The following TCF7L2 variants were observed in gnomAD, a reference collection of about 807,000 sequenced individuals.
TCF7L2 encodes the protein transcription factor 7 like 2.
In TCF7L2, 23 loss-of-function variants were observed where a neutral mutation model predicts 77.9. That is an observed-to-expected ratio of 0.30 (90% CI 0.21 to 0.42). The LOEUF (loss-of-function observed/expected upper bound fraction) is 0.42. Among genes scored for constraint, TCF7L2 ranks in the 10% least tolerant of loss-of-function variants. The pLI, the probability that TCF7L2 is intolerant of heterozygous loss-of-function variation, is 1.00. For synonymous variants in TCF7L2, 413 were observed against 340.2 expected (o/e 1.21, Z -2.36); for missense variants, 654 against 793.1 (o/e 0.82, Z 2.11).
intron 4 of TCF7L2, among the ~76,000 whole-genome samples, chr10:112,991,094 C>A (rs545678407): frequency 6.6e-6 from 1 of 152,172 alleles, no homozygotes. Flanking sequence ...GGGCCAGACT[C>A]GGACTGCCTG....
intron 5 of TCF7L2, among the ~76,000 whole-genome samples, chr10:113,070,807 A>G (rs532788404): frequency 1.4e-4 from 22 of 152,308 alleles, no homozygotes; most frequent in African/African-American, 4.6e-4. Context: ...ATACCTTACA[A>G]TTCATCCATT....
intron 5 of TCF7L2, among the ~76,000 whole-genome samples, chr10:113,060,713 C>T (rs142064894): frequency 4.6e-5 from 7 of 151,968 alleles, no homozygotes; most frequent in Admixed American, 2.6e-4. Context: ...TTTCTAGATG[C>T]GGAAGTGTAA....
chr10:113,159,959 T>C, intron 12 of TCF7L2: 1 of 1,611,526 alleles, frequency 6.2e-7, no homozygotes, highest in Non-Finnish European at 8.5e-7. Context: ...CGCTTTGGCC[T>C]TGATCAACAG....
chr10:113,079,761 G>A (rs1385673929), intron 5 of TCF7L2, among the ~76,000 whole-genome samples: 1 of 152,000 alleles, frequency 6.6e-6, no homozygotes, highest in East Asian at 1.9e-4. Context: ...GGGTACAAGC[G>A]ATTTTCGTGC....
chr10:113,126,777 C>G, intron 5 of TCF7L2: 3 of 985,254 alleles, frequency 3.0e-6, no homozygotes, highest in Non-Finnish European at 3.6e-6. Context: ...GTGCTGCCCT[C>G]CAGTGGAGCC....
At chr10:113,040,237 T>C (rs751987272) in intron 5 of TCF7L2, 111 bp downstream of exon 5, 5 of 902,280 alleles carry the variant, frequency 5.5e-6, no homozygotes, top group Non-Finnish European at 8.4e-6. Context: ...TTTAAACACA[T>C]TTTCTTTGGA....
chr10:113,152,309 A>ATCCT, intron 10 of TCF7L2, 24 bp from the exon 11 acceptor site: 1 of 1,584,872 alleles, frequency 6.3e-7, no homozygotes. Context: ...TGTCTTTCTC[A>ATCCT]TCTGTACCCC....
chr10:113,035,394 A>G (rs1279541914), intron 4 of TCF7L2, among the ~76,000 whole-genome samples: 1 of 152,204 alleles, frequency 6.6e-6, no homozygotes, highest in Non-Finnish European at 1.5e-5. Flanking sequence ...CATAGACCAA[A>G]ATTGGCTTGC....
chr10:113,157,915 TG>T, intron 11 of TCF7L2, 105 bp from the exon 12 acceptor site: 1 of 1,161,052 alleles, frequency 8.6e-7, no homozygotes, highest in South Asian at 1.4e-5. Flanking sequence ...TGGATGGAGA[TG>T]GCAGTATGGT....
chr10:113,130,612 G>A (rs2066428378), intron 5 of TCF7L2, among the ~76,000 whole-genome samples: 1 of 152,076 alleles, frequency 6.6e-6, no homozygotes, highest in Admixed American at 6.6e-5. Context: ...AATATAAAAT[G>A]TGTTTTGGAA....
chr10:113,100,957 C>A (rs1313050081), intron 5 of TCF7L2, among the ~76,000 whole-genome samples: 2 of 152,126 alleles, frequency 1.3e-5, no homozygotes, highest in Non-Finnish European at 2.9e-5. Context: ...TGCCTGTAAT[C>A]CCAGCTACTC....
chr10:113,049,476 G>A (rs1272267878), intron 5 of TCF7L2, among the ~76,000 whole-genome samples: 2 of 151,876 alleles, frequency 1.3e-5, no homozygotes. Context: ...CCTTCAAAGC[G>A]TGTGTGGCAT....
intron 3 of TCF7L2, among the ~76,000 whole-genome samples, chr10:112,960,603 C>A (rs2034817085): frequency 6.6e-6 from 1 of 151,904 alleles, no homozygotes; most frequent in Non-Finnish European, 1.5e-5. Flanking sequence ...GCCATGTTTG[C>A]CGGATGAGGA....
chr10:112,996,681 C>A (rs907230237), intron 4 of TCF7L2, among the ~76,000 whole-genome samples: 1 of 152,166 alleles, frequency 6.6e-6, no homozygotes, highest in Non-Finnish European at 1.5e-5. Flanking sequence ...GCTGGTGAAG[C>A]CTGAAGGCCA....
Position 112,972,873 on chromosome 10 carries a change from C to G in TCF7L2, c.450+8249C>G, listed in dbSNP as rs539100755. Among the ~76,000 whole-genome samples, 5 of 152,320 alleles carry G rather than the reference C, an allele frequency of 3.3e-5. No individual in the cohort carries two copies. In the South Asian group the frequency reaches 1.0e-3, roughly 32 times the overall value. On this transcript the variant is annotated intron_variant, in intron 4 of 13. Transcript: ENST00000627217. ...TATCCTCATTTTGTAAATGAGGAAA[C>G]AGATACCTGAGATATTTTGCCCAAG...
At chr10:112,983,330 G>A (rs1481864848) in intron 4 of TCF7L2, among the ~76,000 whole-genome samples, 4 of 151,968 alleles carry the variant, frequency 2.6e-5, no homozygotes, top group Non-Finnish European at 4.4e-5. Context: ...AATTAGCAGG[G>A]CATGGTGGTG....
chr10:113,141,678 T>C (rs1257353646), intron 6 of TCF7L2, among the ~76,000 whole-genome samples: 1 of 152,164 alleles, frequency 6.6e-6, no homozygotes, highest in East Asian at 1.9e-4. Flanking sequence ...AGGAATCATA[T>C]TGAAGGCATT....
intron 4 of TCF7L2, among the ~76,000 whole-genome samples, chr10:112,993,820 G>A (rs1045247148): frequency 6.6e-6 from 1 of 152,114 alleles, no homozygotes; most frequent in Non-Finnish European, 1.5e-5. Context: ...ACTTTGGGAG[G>A]CCAAGGCGGG....
At chr10:113,073,503 CAAAAAAAAAA>C (rs35730806) in intron 5 of TCF7L2, among the ~76,000 whole-genome samples, 125 of 43,976 alleles carry the variant, frequency 2.8e-3, no homozygotes, top group African/African-American at 9.4e-3. Flanking sequence ...CGGTCTCTAC[CAAAAAAAAAA>C]AAAAAAAAAA....
Sources: allele counts gnomAD v4.1 joint callset (sites outside exome capture counted in the v4.1 genomes callset), GRCh38; gene constraint gnomAD v4.1.1; transcripts MANE v1.5; gene names NCBI Gene and HGNC (gene_info 2026-07-23, HGNC 2026-07-21).